The following MAN1A1 variants were observed in gnomAD, a reference collection of about 807,000 sequenced individuals.
The protein encoded by MAN1A1 is mannosyl-oligosaccharide 1,2-alpha-mannosidase IA.
MAN1A1 carries 29 observed loss-of-function variants against 70.8 expected under a neutral mutation model. The observed-to-expected ratio is 0.41, with a 90% CI of 0.31 to 0.56. The LOEUF (loss-of-function observed/expected upper bound fraction) is 0.56, where lower values mean the gene tolerates loss of function less well. MAN1A1 is among the 20% of genes least tolerant of loss of function. The probability of loss-of-function intolerance (pLI) is 0.29; values close to 1 mark genes in which losing one functional copy is unlikely to be tolerated. For missense variants in MAN1A1, 747 were observed against 841.3 expected (o/e 0.89, Z 1.39); for synonymous variants, 349 against 330.1 (o/e 1.06, Z -0.62).
chr6:119,329,467 CCACT>C (rs1773245720), intron 2 of MAN1A1, among the ~76,000 whole-genome samples: 4 of 151,962 alleles, frequency 2.6e-5, no homozygotes, highest in Admixed American at 2.6e-4. Context: ...CCCCCCCCAC[CCACT>C]GACTCCAAAT....
chr6:119,292,402 T>G (rs1408739578), intron 4 of MAN1A1, among the ~76,000 whole-genome samples: 1 of 151,982 alleles, frequency 6.6e-6, no homozygotes. Context: ...GGGATATTAT[T>G]TCCTTTAACA....
At chr6:119,208,220 G>C (rs374200514) in intron 6 of MAN1A1, among the ~76,000 whole-genome samples, 8 of 152,262 alleles carry the variant, frequency 5.3e-5, no homozygotes, top group African/African-American at 1.9e-4. Context: ...TTCTGCAGCA[G>C]AACTTCCAAC....
chr6:119,224,957 T>C (rs756904659), intron 6 of MAN1A1, among the ~76,000 whole-genome samples: 5 of 151,984 alleles, frequency 3.3e-5, no homozygotes, highest in Non-Finnish European at 5.9e-5. Flanking sequence ...TGAAATCCCG[T>C]CTCTACTAAA....
At chr6:119,269,583 G>A in intron 5 of MAN1A1, 2 of 187,796 alleles carry the variant, frequency 1.1e-5, no homozygotes, top group Non-Finnish European at 1.1e-5. Context: ...TGTGGAAAGT[G>A]CCAAAAATGT....
rs763441321 is a variant in MAN1A1 at position 119,179,860 on chromosome 6, G to C, written c.1921C>G (p.Leu641Val). The C allele has an allele frequency of 3.7e-6, 6 of 1,612,814 alleles. No homozygotes were observed. Among genetic ancestry groups the C allele is most frequent in the African/African-American group, 1.3e-5 (1 of 74,972 alleles). Residue 641 changes from leucine to valine, a missense_variant, in exon 13 of 13, where the codon CTC (leucine) becomes GTC (valine). Physicochemically the swap from Leu to Val is conservative, Grantham distance 32 (BLOSUM62 1). Coordinates refer to ENST00000368468, the MANE Select transcript of MAN1A1 (RefSeq NM_005907.4). Reference sequence around the variant, plus strand: ...TCAACTTCCTTTTTATCTTTAGGGAGGATAGGGAGAAGATGTGCCTCGCTA... The same window carrying C: ...TCAACTTCCTTTTTATCTTTAGGGACGATAGGGAGAAGATGTGCCTCGCTA... ...FNSEAHLLPI[L>V]PKDKKEVEIR...
At chr6:119,334,010 A>T (rs114286405) in intron 2 of MAN1A1, among the ~76,000 whole-genome samples, 2,886 of 152,244 alleles carry the variant, frequency 0.019, 97 homozygotes, top group African/African-American at 0.066. Flanking sequence ...CACCATCCCC[A>T]ACTCTCCCAA....
At chr6:119,180,195 GC>G in intron 12 of MAN1A1, 116 bp downstream of exon 12, 1 of 778,260 alleles carries the variant, frequency 1.3e-6, no homozygotes, top group Admixed American at 2.5e-5. Flanking sequence ...TTATAGCCAT[GC>G]CTGATATTCT....
At chr6:119,218,355 A>G (rs1774265200) in intron 6 of MAN1A1, among the ~76,000 whole-genome samples, 1 of 152,094 alleles carries the variant, frequency 6.6e-6, no homozygotes, top group Non-Finnish European at 1.5e-5. Context: ...TTTCCTAATT[A>G]GGTTCAGGAG....
chr6:119,246,744 G>A (rs9489632), intron 6 of MAN1A1, among the ~76,000 whole-genome samples: 2,148 of 152,186 alleles, frequency 0.014, 60 homozygotes, highest in African/African-American at 0.049. Flanking sequence ...AGATATAAAA[G>A]GTAAGAAAGA....
intron 2 of MAN1A1, among the ~76,000 whole-genome samples, chr6:119,343,098 A>G (rs1350701857): frequency 6.6e-6 from 1 of 152,094 alleles, no homozygotes; most frequent in Admixed American, 6.6e-5. Context: ...AAAAATTACT[A>G]TAATTGACTT....
intron 4 of MAN1A1, among the ~76,000 whole-genome samples, chr6:119,301,228 C>T (rs1772380985): frequency 6.6e-6 from 1 of 152,204 alleles, no homozygotes; most frequent in Non-Finnish European, 1.5e-5. Context: ...CTAAAAACTT[C>T]CATGGCCTAC....
At chr6:119,292,536 G>GA (rs1052888326) in intron 4 of MAN1A1, among the ~76,000 whole-genome samples, 3 of 151,018 alleles carry the variant, frequency 2.0e-5, no homozygotes, top group Admixed American at 6.6e-5. Context: ...AATATTTCCA[G>GA]AAAAAAAAGG....
intron 2 of MAN1A1, among the ~76,000 whole-genome samples, chr6:119,329,522 T>C (rs195067): frequency 0.11 from 17,420 of 151,866 alleles, 1,431 homozygotes; most frequent in Admixed American, 0.25. Context: ...ATCTCTTGTA[T>C]CAGATTCTCA....
At chr6:119,276,493 T>C (rs1776068064) in intron 5 of MAN1A1, among the ~76,000 whole-genome samples, 1 of 152,190 alleles carries the variant, frequency 6.6e-6, no homozygotes, top group South Asian at 2.1e-4. Flanking sequence ...GACCAGATGA[T>C]AGAGAGAAGT....
At chr6:119,318,789 A>C (rs1338087091) in intron 2 of MAN1A1, among the ~76,000 whole-genome samples, 1 of 152,214 alleles carries the variant, frequency 6.6e-6, no homozygotes, top group Non-Finnish European at 1.5e-5. Context: ...TTAATAGCTA[A>C]AAGTTCTTTC....
At chr6:119,231,471 T>C (rs1189677812) in intron 6 of MAN1A1, among the ~76,000 whole-genome samples, 3 of 152,208 alleles carry the variant, frequency 2.0e-5, no homozygotes, top group Non-Finnish European at 4.4e-5. Context: ...GTGAGTCAAT[T>C]AAATCTCTTT....
At chr6:119,211,466 A>G (rs1774048104) in intron 6 of MAN1A1, among the ~76,000 whole-genome samples, 1 of 152,242 alleles carries the variant, frequency 6.6e-6, no homozygotes, top group African/African-American at 2.4e-5. Context: ...AGCAGTGCTC[A>G]ATACATGCTT....
At chr6:119,232,229 C>T (rs1199273776) in intron 6 of MAN1A1, among the ~76,000 whole-genome samples, 5 of 151,758 alleles carry the variant, frequency 3.3e-5, no homozygotes, top group South Asian at 2.1e-4. Context: ...AAAAATTAGC[C>T]GGGCGTGGTG....
intron 6 of MAN1A1, among the ~76,000 whole-genome samples, chr6:119,218,018 T>C (rs978012312): frequency 2.0e-5 from 3 of 152,176 alleles, no homozygotes; most frequent in African/African-American, 7.2e-5. Flanking sequence ...CAATCCTCTA[T>C]TGACAAACAG....
Sources: allele counts gnomAD v4.1 joint callset (sites outside exome capture counted in the v4.1 genomes callset), GRCh38; gene constraint gnomAD v4.1.1; transcripts MANE v1.5; gene names NCBI Gene and HGNC (gene_info 2026-07-23, HGNC 2026-07-21).